Variants in TLN2 observed in about 807,000 individuals in gnomAD.
TLN2 encodes talin-2.
A neutral mutation model predicts 294.7 loss-of-function variants in TLN2; 118 were observed. The observed-to-expected ratio is 0.40, with a 90% CI of 0.34 to 0.47. TLN2 has a LOEUF of 0.47. TLN2 is among the 20% of genes least tolerant of loss of function. The pLI is 0.84. For missense variants in TLN2, 3,083 were observed against 3,282.2 expected, an observed-to-expected ratio of 0.94 and a Z score of 1.48; for synonymous variants, 1,431 against 1,304.5, an observed-to-expected ratio of 1.10 and a Z score of -2.09.
chr15:62,404,237 A>G (rs2033236382), intron 1 of TLN2, among the ~76,000 whole-genome samples: 1 of 152,242 alleles, frequency 6.6e-6, no homozygotes, highest in East Asian at 1.9e-4. Context: ...GGTAGAAGGC[A>G]CCTGCAGAGG....
In TLN2 at chr15:62,739,533, T is replaced by C; in HGVS notation, c.3873T>C (p.Ala1291=). 6.2e-7 allele frequency: 1 copy of C among 1,614,194 alleles called. No homozygotes were observed. The highest frequency in any genetic ancestry group is 8.5e-7 in the Non-Finnish European group (1 of 1,180,024). ...TCCTCGATGCTGGCATTGAGATGGC[T>C]GGCCAAGCTCAGGTGGGTGTGGAGG... is the stretch of plus-strand genomic sequence containing the variant. ...DEFLDAGIEM[A]GQAQTKEDQI... Residue 1291 remains alanine (A), a synonymous_variant, in exon 31 of 59, where the codon GCT becomes GCC. Transcript: ENST00000636159.
chr15:62,594,581 G>A (rs972946887), intron 2 of TLN2, among the ~76,000 whole-genome samples: 6 of 152,144 alleles, frequency 3.9e-5, no homozygotes, highest in Admixed American at 1.3e-4. Context: ...TCAATAAATA[G>A]TGTTGGGACA....
At chr15:62,754,230 G>C (rs181568380) in intron 36 of TLN2, 1 of 214,672 alleles carries the variant, frequency 4.7e-6, no homozygotes, top group East Asian at 1.1e-4. Flanking sequence ...TAGCTGTAAG[G>C]GTTCAATGTG....
intron 2 of TLN2, among the ~76,000 whole-genome samples, chr15:62,609,236 C>T (rs1176169840): frequency 6.6e-6 from 1 of 152,156 alleles, no homozygotes; most frequent in African/African-American, 2.4e-5. Flanking sequence ...GTTTCTGAAC[C>T]ATTTGATTGT....
intron 27 of TLN2, 81 bp from the exon 28 acceptor site, chr15:62,727,006 A>G (rs976484457): frequency 1.3e-5 from 19 of 1,424,284 alleles, no homozygotes; most frequent in Non-Finnish European, 1.6e-5. Flanking sequence ...TTTGATCTGC[A>G]TGATTTTTCT....
intron 12 of TLN2, among the ~76,000 whole-genome samples, chr15:62,687,522 A>G (rs1396696512): frequency 6.6e-6 from 1 of 152,262 alleles, no homozygotes; most frequent in African/African-American, 2.4e-5. Context: ...AGCAGAGTAT[A>G]ACTCTATGCC....
At chr15:62,734,409 G>A (rs748362811) in intron 28 of TLN2, among the ~76,000 whole-genome samples, 2 of 152,178 alleles carry the variant, frequency 1.3e-5, no homozygotes, top group Non-Finnish European at 2.9e-5. Context: ...GAGAAAGGGA[G>A]GCCCAGAGGG....
chr15:62,420,965 C>G (rs901192328), intron 1 of TLN2, among the ~76,000 whole-genome samples: 3 of 152,116 alleles, frequency 2.0e-5, no homozygotes, highest in African/African-American at 7.2e-5. Context: ...AGGACTAATA[C>G]CTTAGTTATA....
intron 2 of TLN2, among the ~76,000 whole-genome samples, chr15:62,611,018 C>G (rs1384344746): frequency 6.6e-6 from 1 of 152,130 alleles, no homozygotes. Context: ...TGGCACCTGC[C>G]TGATATTTTC....
chr15:62,763,429 T>G, intron 39 of TLN2, 134 bp from the exon 40 acceptor site: 1 of 1,211,582 alleles, frequency 8.3e-7, no homozygotes, highest in Non-Finnish European at 1.1e-6. Flanking sequence ...CAACCAGGGG[T>G]CAGGGATTCC....
intron 57 of TLN2, 83 bp downstream of exon 57, chr15:62,836,156 G>T: frequency 1.3e-6 from 2 of 1,522,122 alleles, no homozygotes; most frequent in Non-Finnish European, 1.8e-6. Flanking sequence ...CACTTCCTTG[G>T]CATGACCCAC....
intron 1 of TLN2, among the ~76,000 whole-genome samples, chr15:62,409,927 A>T (rs1196576935): frequency 6.6e-6 from 1 of 152,194 alleles, no homozygotes; most frequent in Non-Finnish European, 1.5e-5. Flanking sequence ...CTTCTGGGAA[A>T]ATGAGGAACC....
rs528957289 is a variant in TLN2, at chr15:62,704,506, A to T, written c.2004+1642A>T. ...GGGATCATGTATGTTGTGAGACATG[A>T]AACTTCAACCTTCATCCATAGATGT... On this transcript the variant is annotated intron_variant, in intron 19 of 58. Coordinates refer to ENST00000636159, the MANE Select transcript of TLN2 (RefSeq NM_015059.3). 1.0e-3 allele frequency among the ~76,000 whole-genome samples: 156 copies of T among 152,356 alleles called. No individual in the cohort carries two copies. In the Middle Eastern group the frequency reaches 0.014, roughly 13 times the overall value.
At chr15:62,639,307 T>A (rs1221938165) in intron 3 of TLN2, among the ~76,000 whole-genome samples, 1 of 152,186 alleles carries the variant, frequency 6.6e-6, no homozygotes, top group Non-Finnish European at 1.5e-5. Flanking sequence ...GGGACTGTGG[T>A]GGCCCTGCCG....
intron 46 of TLN2, among the ~76,000 whole-genome samples, chr15:62,793,953 C>T (rs748758840): frequency 1.4e-4 from 22 of 151,980 alleles, no homozygotes; most frequent in Non-Finnish European, 2.5e-4. Context: ...TCCCATAGCC[C>T]ACAGGGCTGT....
intron 2 of TLN2, among the ~76,000 whole-genome samples, chr15:62,614,085 T>C (rs769632076): frequency 1.3e-5 from 2 of 152,126 alleles, no homozygotes; most frequent in Non-Finnish European, 2.9e-5. Context: ...CTGAAACTTA[T>C]TTGTGTTCTA....
intron 1 of TLN2, among the ~76,000 whole-genome samples, chr15:62,445,483 A>G (rs1217801167): frequency 3.3e-5 from 5 of 152,196 alleles, no homozygotes; most frequent in African/African-American, 1.2e-4. Context: ...GCACACACAC[A>G]CCCTTAAGTA....
At chr15:62,703,612 C>G (rs1298983783) in intron 19 of TLN2, among the ~76,000 whole-genome samples, 1 of 103,282 alleles carries the variant, frequency 9.7e-6, no homozygotes, top group African/African-American at 3.5e-5. Context: ...GACACACACA[C>G]ACACACACAC....
chr15:62,546,637 A>G (rs1040598336), intron 1 of TLN2, among the ~76,000 whole-genome samples: 3 of 152,156 alleles, frequency 2.0e-5, no homozygotes, highest in East Asian at 3.9e-4. Flanking sequence ...CATAAAGCCA[A>G]TGAGAGTGTG....
Sources: gnomAD v4.1 joint callset for allele counts (sites outside exome capture counted in the v4.1 genomes callset) on GRCh38, gnomAD v4.1.1 for gene constraint, MANE v1.5 for transcripts, NCBI Gene and HGNC (gene_info 2026-07-23, HGNC 2026-07-21) for gene names.